NRXN1: variants seen among roughly 807,000 people sequenced by gnomAD.
NRXN1 encodes the protein neurexin-1.
In NRXN1, 39 loss-of-function variants were observed where a neutral mutation model predicts 150.9. The ratio of observed to expected loss-of-function variants is 0.26; its 90% CI spans 0.20 to 0.34. NRXN1 has a LOEUF of 0.34. Ranked by LOEUF, NRXN1 falls within the 10% of genes least tolerant of loss-of-function variation. The pLI is 1.00. For missense variants in NRXN1, 1,815 were observed against 1,949.9 expected (o/e 0.93, Z 1.30); for synonymous variants, 924 against 757.0 (o/e 1.22, Z -3.62).
intron 19 of NRXN1, among the ~76,000 whole-genome samples, chr2:50,060,767 C>T (rs1694402985): frequency 1.3e-5 from 2 of 152,162 alleles, no homozygotes; most frequent in Admixed American, 1.3e-4. Context: ...GCTCTCTTGC[C>T]TGCCACCATG....
At chr2:50,930,616 C>T (rs907062655) in intron 2 of NRXN1, among the ~76,000 whole-genome samples, 1 of 152,052 alleles carries the variant, frequency 6.6e-6, no homozygotes, top group Non-Finnish European at 1.5e-5. Flanking sequence ...CTCAGTTCTT[C>T]CCCAAGTCTA....
chr2:50,853,361 C>T (rs1299329487), intron 5 of NRXN1, among the ~76,000 whole-genome samples: 1 of 152,030 alleles, frequency 6.6e-6, no homozygotes, highest in African/African-American at 2.4e-5. Flanking sequence ...TCCAAGTTTG[C>T]CAATGGCACA....
intron 17 of NRXN1, among the ~76,000 whole-genome samples, chr2:50,350,939 G>C (rs900351281): frequency 6.6e-6 from 1 of 152,166 alleles, no homozygotes; most frequent in Non-Finnish European, 1.5e-5. Context: ...AGGTTCTAGG[G>C]TGTATGCTGT....
intron 5 of NRXN1, among the ~76,000 whole-genome samples, chr2:50,849,415 A>C (rs1382969566): frequency 2.0e-5 from 3 of 152,172 alleles, no homozygotes; most frequent in Admixed American, 2.0e-4. Context: ...TTTGAAATAA[A>C]ATCTTCAGGA....
In NRXN1 at chr2:50,702,024, T is replaced by A. The variant is rs1164536451; in HGVS notation, c.833-78409A>T. Among the ~76,000 whole-genome samples the A allele has an allele frequency of 3.3e-5, 5 of 152,242 alleles. No homozygotes were observed. The East Asian group carries it at 7.7e-4, about 23-fold the overall frequency. ...TTTACAAACTAATGACTGAAAATAA[T>A]CATTATAATGTAAGACTCCTTTAAT... On this transcript the variant is annotated intron_variant, in intron 5 of 22. Transcript: ENST00000401669.
chr2:50,130,910 A>C (rs1022696310), intron 18 of NRXN1, among the ~76,000 whole-genome samples: 9 of 152,194 alleles, frequency 5.9e-5, no homozygotes, highest in Admixed American at 1.3e-4. Context: ...TCTTTTCCGG[A>C]TGTAACGACT....
At chr2:50,583,654 C>G (rs1672640527) in intron 8 of NRXN1, among the ~76,000 whole-genome samples, 1 of 152,176 alleles carries the variant, frequency 6.6e-6, no homozygotes, top group African/African-American at 2.4e-5. Context: ...TGAGCACCTT[C>G]TGTACCCGAA....
chr2:50,327,709 G>A (rs968319217), intron 17 of NRXN1, among the ~76,000 whole-genome samples: 2 of 151,382 alleles, frequency 1.3e-5, no homozygotes, highest in Non-Finnish European at 2.9e-5. Flanking sequence ...AAGTGCAGTG[G>A]AAAAATCTCA....
At chr2:50,971,306 C>G (rs1040830503) in intron 2 of NRXN1, among the ~76,000 whole-genome samples, 2 of 152,028 alleles carry the variant, frequency 1.3e-5, no homozygotes, top group African/African-American at 4.8e-5. Flanking sequence ...AATAACAGGC[C>G]GGGCGTGGTG....
intron 8 of NRXN1, among the ~76,000 whole-genome samples, chr2:50,580,016 T>A (rs1348712576): frequency 6.6e-6 from 1 of 152,238 alleles, no homozygotes; most frequent in Non-Finnish European, 1.5e-5. Context: ...TCTTGCACAA[T>A]CTTTTCCCAT....
chr2:50,171,966 G>A (rs2060057318), intron 18 of NRXN1, among the ~76,000 whole-genome samples: 1 of 152,130 alleles, frequency 6.6e-6, no homozygotes, highest in Non-Finnish European at 1.5e-5. Flanking sequence ...ATTAGAAACA[G>A]ATGAATAGTC....
chr2:50,789,717 A>T (rs1228378692), intron 5 of NRXN1, among the ~76,000 whole-genome samples: 1 of 151,436 alleles, frequency 6.6e-6, no homozygotes, highest in East Asian at 1.9e-4. Flanking sequence ...GGGCATAACT[A>T]TTTTTTTTTA....
intron 5 of NRXN1, among the ~76,000 whole-genome samples, chr2:50,674,019 G>C (rs972796025): frequency 2.0e-5 from 3 of 152,006 alleles, no homozygotes; most frequent in Non-Finnish European, 4.4e-5. Context: ...GATGGGTGCA[G>C]CAAACCACCA....
intron 5 of NRXN1, among the ~76,000 whole-genome samples, chr2:50,712,845 A>C (rs1475012573): frequency 1.3e-5 from 2 of 152,172 alleles, no homozygotes; most frequent in African/African-American, 4.8e-5. Context: ...ATCTGGCTGA[A>C]ATGCCTTGAC....
At chr2:50,507,730 T>G (rs376448126) in intron 12 of NRXN1, among the ~76,000 whole-genome samples, 2 of 151,876 alleles carry the variant, frequency 1.3e-5, no homozygotes, top group East Asian at 3.9e-4. Context: ...TCTGACATTA[T>G]GAGTCATTGA....
At chr2:50,644,508 T>C (rs537640855) in intron 5 of NRXN1, among the ~76,000 whole-genome samples, 1 of 151,660 alleles carries the variant, frequency 6.6e-6, no homozygotes, top group African/African-American at 2.4e-5. Context: ...GGAGGATTCA[T>C]CTCTATGACC....
chr2:50,577,955 G>A (rs896760549), intron 8 of NRXN1, among the ~76,000 whole-genome samples: 7 of 152,172 alleles, frequency 4.6e-5, no homozygotes, highest in East Asian at 1.9e-4. Context: ...AAAGTCTGAC[G>A]TGAGTTCCTT....
At chr2:49,978,383 T>C (rs2152504300) in intron 21 of NRXN1, among the ~76,000 whole-genome samples, 1 of 152,258 alleles carries the variant, frequency 6.6e-6, no homozygotes, top group African/African-American at 2.4e-5. Context: ...TTAGAAACTA[T>C]GTCTGCAGTT....
chr2:50,320,027 G>C (rs868700809), intron 17 of NRXN1, among the ~76,000 whole-genome samples: 1 of 151,526 alleles, frequency 6.6e-6, no homozygotes, highest in African/African-American at 2.4e-5. Context: ...CAGTGTTATC[G>C]AAACCTAACA....
Sources: allele counts gnomAD v4.1 joint callset (sites outside exome capture counted in the v4.1 genomes callset), GRCh38; gene constraint gnomAD v4.1.1; transcripts MANE v1.5; gene names NCBI Gene and HGNC (gene_info 2026-07-23, HGNC 2026-07-21).